The following FAM186B variants were observed in gnomAD, a reference collection of about 807,000 sequenced individuals.
The protein encoded by FAM186B is protein FAM186B.
Under a neutral mutation model 83.4 loss-of-function variants are expected in FAM186B, and 68 were observed. The ratio of observed to expected loss-of-function variants is 0.81; its 90% CI spans 0.67 to 1.00. The LOEUF is 1.00. FAM186B is among the 50% of genes least tolerant of loss of function. The pLI is 0.00. For synonymous variants in FAM186B, 389 were observed against 422.0 expected, an observed-to-expected ratio of 0.92 and a Z score of 0.96; for missense variants, 983 against 1,099.2, an observed-to-expected ratio of 0.89 and a Z score of 1.49.
the FAM186B span, among the ~76,000 whole-genome samples, chr12:49,612,187 G>A: frequency 6.6e-6 from 1 of 152,072 alleles, no homozygotes; most frequent in East Asian, 1.9e-4. Flanking sequence ...AAGGCACAGA[G>A]CTGCAAGTTG....
chr12:49,599,694 G>A lies in FAM186B; in HGVS notation c.1946C>T (p.Ser649Phe), dbSNP rs751527453. 1.2e-6 allele frequency: 2 copies of A among 1,610,304 alleles called. No individual in the cohort carries two copies. Among genetic ancestry groups the A allele is most frequent in the East Asian group, 2.2e-5 (1 of 44,856 alleles). ...GTSIRRLTWP[S>F]LQISPANIKK... ...AATATTTGCAGGGGATATCTGCAAA[G>A]AGGGCCAGGTCAGCCTTCGGATGGA... Residue 649 changes from serine (S) to phenylalanine (F), a missense_variant, in exon 4 of 7, where the codon TCT becomes TTT. Transcript: ENST00000257894.
chr12:49,605,993 A>T (rs1022649295), upstream of FAM186B, among the ~76,000 whole-genome samples: 2 of 150,968 alleles, frequency 1.3e-5, no homozygotes, highest in Admixed American at 1.3e-4. Context: ...CGATCTCCTG[A>T]CCTCGTGATC....
At position 49,605,602 on chromosome 12, in the gene FAM186B, C is replaced by A. The variant is rs897547307; in HGVS notation, c.-125G>T. ...CTCCTGGGTACCCTCTGCCCAGGCA[C>A]AGCTCCTCTGGTAACTGCCAAACAC... On this transcript the variant is annotated 5_prime_UTR_variant, in exon 1 of 7. Coordinates refer to ENST00000257894, the MANE Select transcript of FAM186B (RefSeq NM_032130.3). The A allele has an allele frequency of 2.1e-6, 2 of 969,252 alleles. No individual in the cohort carries two copies. The highest frequency in any genetic ancestry group is 3.0e-6 in the Non-Finnish European group (2 of 663,060). The allele number at this position is 969,252 out of a possible 1,614,324, so 60.0% of individuals were successfully genotyped here. A position where few individuals can be genotyped will look rare whatever the true frequency, so the allele number is the denominator to read the frequency against.
At chr12:49,617,239 T>A in the FAM186B span, among the ~76,000 whole-genome samples, 1 of 152,164 alleles carries the variant, frequency 6.6e-6, no homozygotes, top group Admixed American at 6.5e-5. Context: ...AGACCCTCAC[T>A]AACCAAAACA....
chr12:49,608,475 A>G (rs1458016694), upstream of FAM186B, among the ~76,000 whole-genome samples: 4 of 146,954 alleles, frequency 2.7e-5, no homozygotes, highest in Middle Eastern at 3.4e-3. Flanking sequence ...TGAGTGACAG[A>G]GCAAGACTCC....
intron 3 of FAM186B, 106 bp downstream of exon 3, chr12:49,603,079 T>C: frequency 1.6e-6 from 2 of 1,243,766 alleles, no homozygotes; most frequent in Non-Finnish European, 2.3e-6. Context: ...CAAACTTCTG[T>C]GATGGAGGAG....
At position 49,599,944 on chromosome 12, in the gene FAM186B, A is replaced by G. The variant is rs778851005; in HGVS notation, c.1696T>C (p.Trp566Arg). 23 of 1,613,800 alleles carry G rather than the reference A, an allele frequency of 1.4e-5. No individual in the cohort carries two copies. Among genetic ancestry groups the G allele is most frequent in the South Asian group, 6.6e-5 (6 of 91,056 alleles). Residue 566 changes from tryptophan (W) to arginine (R), a missense_variant, in exon 4 of 7, where the codon TGG (tryptophan) becomes CGG (arginine). Transcript: ENST00000257894. The part of the protein sequence containing the change: ...ERRIFTPTSR[W>R]RDLEKAELSL... ...AGCTCTGCCTTCTCCAAGTCCCTCC[A>G]TCGACTGGTGGGTGTGAAGATCCTC...
intron 5 of FAM186B, among the ~76,000 whole-genome samples, chr12:49,596,323 CAA>C (rs933362822): frequency 7.8e-5 from 5 of 64,302 alleles, no homozygotes; most frequent in South Asian, 6.9e-4. Context: ...ACCCCCGTCT[CAA>C]AAAAAAAAAA....
At position 49,599,903 on chromosome 12, in the gene FAM186B, G is replaced by T. The variant is rs1363277795; in HGVS notation, c.1737C>A (p.Ala579=). ...LEKAELSLVP[A]PSRTQSAHQS... ...GGTGAGCAGATTGGGTCCGGCTTGG[G>T]GCAGGCACTAATGATAGCTCTGCCT... The change falls in exon 4 of 7, where the codon GCC becomes GCA. Residue 579 remains alanine (A), a synonymous_variant. Coordinates refer to ENST00000257894, the MANE Select transcript of FAM186B (RefSeq NM_032130.3). 2.5e-6 allele frequency: 4 copies of T among 1,612,414 alleles called. No individual in the cohort carries two copies. The highest frequency in any genetic ancestry group is 3.4e-6 in the Non-Finnish European group (4 of 1,179,146).
chr12:49,589,769 T>C (rs1200704401), intron 5 of FAM186B, among the ~76,000 whole-genome samples: 2 of 151,782 alleles, frequency 1.3e-5, no homozygotes, highest in Non-Finnish European at 2.9e-5. Flanking sequence ...GATCATGAGG[T>C]CAAGAGATTG....
At chr12:49,594,514 A>G (rs1939666649) in intron 5 of FAM186B, among the ~76,000 whole-genome samples, 2 of 152,224 alleles carry the variant, frequency 1.3e-5, no homozygotes, top group Non-Finnish European at 2.9e-5. Context: ...CAATAACAAA[A>G]TAGAACAATT....
intron 3 of FAM186B, among the ~76,000 whole-genome samples, chr12:49,602,251 G>A (rs542951031): frequency 3.9e-5 from 6 of 152,272 alleles, no homozygotes; most frequent in South Asian, 4.1e-4. Flanking sequence ...ATAATCTAGC[G>A]AGGGTCTAAG....
intron 5 of FAM186B, among the ~76,000 whole-genome samples, chr12:49,589,475 T>A (rs1191466485): frequency 6.6e-6 from 1 of 152,088 alleles, no homozygotes; most frequent in African/African-American, 2.4e-5. Flanking sequence ...TACTCATGGG[T>A]GGTGCAGAGA....
chr12:49,606,422 GAGGTCA>G (rs1383397447), upstream of FAM186B, among the ~76,000 whole-genome samples: 1 of 151,550 alleles, frequency 6.6e-6, no homozygotes, highest in African/African-American at 2.4e-5. Context: ...TTGAGCCCAG[GAGGTCA>G]AGGCTGCAGT....
intron 3 of FAM186B, 72 bp downstream of exon 3, chr12:49,603,113 C>T: frequency 6.5e-7 from 1 of 1,529,314 alleles, no homozygotes; most frequent in South Asian, 1.1e-5. Flanking sequence ...CCAGGCCCAG[C>T]CTCTGACTTC....
chr12:49,611,856 T>C, the FAM186B span, among the ~76,000 whole-genome samples: 2 of 147,048 alleles, frequency 1.4e-5, no homozygotes, highest in Non-Finnish European at 3.0e-5. Context: ...AAACTCCATC[T>C]GAAAAATAAA....
intron 6 of FAM186B, 78 bp from the exon 7 acceptor site, chr12:49,587,830 G>A: frequency 6.7e-7 from 1 of 1,484,398 alleles, no homozygotes; most frequent in Non-Finnish European, 9.1e-7. Flanking sequence ...GAGCCATCAG[G>A]CCCAAGTGAG....
At chr12:49,619,543 TGAAG>T in the FAM186B span, 7 of 703,972 alleles carry the variant, frequency 9.9e-6, no homozygotes, top group Admixed American at 1.9e-5. Flanking sequence ...AAGGCTTTGT[TGAAG>T]GAGCAATGAC....
At chr12:49,610,769 G>T in the FAM186B span, among the ~76,000 whole-genome samples, 1 of 139,638 alleles carries the variant, frequency 7.2e-6, no homozygotes, top group Non-Finnish European at 1.5e-5. Flanking sequence ...CAGCCTGGGC[G>T]ACAGAGCAAG....
Sources: allele counts gnomAD v4.1 joint callset (sites outside exome capture counted in the v4.1 genomes callset), GRCh38; gene constraint gnomAD v4.1.1; transcripts MANE v1.5; gene names NCBI Gene and HGNC (gene_info 2026-07-23, HGNC 2026-07-21).